Variants in RUFY1 observed in about 807,000 individuals in gnomAD.
RUFY1 encodes RUN and FYVE domain containing 1, also known as RUN and FYVE domain-containing protein 1.
A neutral mutation model predicts 94.6 loss-of-function variants in RUFY1; 54 were observed. The ratio of observed to expected loss-of-function variants is 0.57; its 90% CI spans 0.46 to 0.72. RUFY1 has a LOEUF of 0.72. RUFY1 is among the 30% of genes least tolerant of loss of function. RUFY1 has a pLI of 0.00. For missense variants in RUFY1, 883 were observed against 883.9 expected (o/e 1.00, Z 0.01); for synonymous variants, 396 against 347.3 (o/e 1.14, Z -1.56).
chr5:179,580,282 G>A (rs1325699735), intron 6 of RUFY1, among the ~76,000 whole-genome samples: 2 of 137,064 alleles, frequency 1.5e-5, no homozygotes, highest in African/African-American at 2.6e-5. Context: ...TCGCTCTGTC[G>A]CCCAGGCTGG....
chr5:179,594,330 T>C (rs530564649), intron 11 of RUFY1, among the ~76,000 whole-genome samples: 1 of 151,452 alleles, frequency 6.6e-6, no homozygotes, highest in East Asian at 2.0e-4. Flanking sequence ...CATTTAGTAT[T>C]GTCTTTTCAA....
intron 10 of RUFY1, among the ~76,000 whole-genome samples, chr5:179,592,566 T>C (rs1421174037): frequency 6.6e-6 from 1 of 152,206 alleles, no homozygotes; most frequent in Non-Finnish European, 1.5e-5. Context: ...TATAAATCTT[T>C]ACAGGGATTG....
rs6879322 is a variant in RUFY1 at position 179,580,950 on chromosome 5, T to G, written c.894T>G (p.His298Gln). 1.5e-3 allele frequency: 2,382 copies of G among 1,594,518 alleles called. 20 individuals carry two copies. The African/African-American group carries it at 0.021, about 14-fold the overall frequency. Residue 298 changes from histidine (H) to glutamine (Q), a missense_variant, in exon 7 of 18, where the codon CAT (histidine) becomes CAG (glutamine). Physicochemically the swap from His to Gln is conservative, Grantham distance 24. Transcript: ENST00000319449. ...DVQDLDGGKE[H>Q]ERITDVLDQK... ...CTTCTTATGCTCCTTTTAAAAGGCA[T>G]GAAAGAATTACTGATGTCCTTGATC...
chr5:179,602,150 GC>G, intron 15 of RUFY1, 164 bp downstream of exon 15: 1 of 617,964 alleles, frequency 1.6e-6, no homozygotes. Context: ...CCTCAGAGGG[GC>G]CCAGCACTGA....
intron 16 of RUFY1, chr5:179,606,700 G>A (rs190633646): frequency 6.6e-6 from 1 of 152,344 alleles, no homozygotes; most frequent in Non-Finnish European, 1.5e-5. Flanking sequence ...GGTAATATCA[G>A]TTTCACAGCA....
At position 179,550,592 on chromosome 5, in the gene RUFY1, G is replaced by A. The variant is rs558217154; in HGVS notation, c.23G>A (p.Cys8Tyr). 1.8e-5 allele frequency: 23 copies of A among 1,280,808 alleles called. 1 individual carries two copies. Among genetic ancestry groups the A allele is most frequent in the African/African-American group, 1.0e-4 (4 of 39,038 alleles). 79.3% of individuals were successfully genotyped at this position (1,280,808 alleles called of 1,614,324 possible). A position where few individuals can be genotyped will look rare whatever the true frequency, so the allele number is the denominator to read the frequency against. ...AAGATGGCCGACCGGGAAGGCGGCT[G>A]CGCTGCTGGGCGGGGGCGGGAGCTG... MADREGG[C>Y]AAGRGRELEP... is the part of the protein sequence containing the mutation. The change falls in exon 1 of 18, where the codon TGC becomes TAC. Residue 8 changes from cysteine to tyrosine, a missense_variant. Coordinates refer to ENST00000319449, the MANE Select transcript of RUFY1 (RefSeq NM_025158.5).
At chr5:179,605,758 C>G (rs977136575) in intron 15 of RUFY1, 118 bp from the exon 16 acceptor site, 1 of 751,460 alleles carries the variant, frequency 1.3e-6, no homozygotes, top group African/African-American at 1.7e-5. Context: ...AACTCACGTT[C>G]TGGGTCTCCT....
intron 14 of RUFY1, among the ~76,000 whole-genome samples, chr5:179,600,314 G>T (rs1766216600): frequency 6.6e-6 from 1 of 152,164 alleles, no homozygotes; most frequent in African/African-American, 2.4e-5. Flanking sequence ...TACTTTCTGG[G>T]TCTCCATCCT....
chr5:179,591,370 G>C (rs1322051441), intron 9 of RUFY1, among the ~76,000 whole-genome samples: 2 of 151,374 alleles, frequency 1.3e-5, no homozygotes, highest in African/African-American at 4.9e-5. Flanking sequence ...GTTTTTAGTA[G>C]AGACGGGGTT....
At chr5:179,567,882 C>G (rs531243497) in intron 4 of RUFY1, among the ~76,000 whole-genome samples, 2 of 151,648 alleles carry the variant, frequency 1.3e-5, no homozygotes, top group African/African-American at 4.8e-5. Flanking sequence ...CCAGCCTGGG[C>G]GACAGAGTGA....
intron 1 of RUFY1, among the ~76,000 whole-genome samples, chr5:179,554,644 C>T (rs1252405171): frequency 1.3e-5 from 2 of 151,160 alleles, no homozygotes; most frequent in Non-Finnish European, 2.9e-5. Flanking sequence ...AGGTAATAAG[C>T]GAACATGATT....
rs2127581205 is a variant in RUFY1, at chr5:179,609,401, T to C, written c.2009T>C (p.Ile670Thr). 1 of 1,613,532 alleles carries C rather than the reference T, an allele frequency of 6.2e-7. No homozygotes were observed. The highest frequency in any genetic ancestry group is 2.2e-5 in the East Asian group (1 of 44,864). ...RKHHCRNCGH[I>T]FCNTCSSNEL... ...CACCACTGCCGGAACTGTGGCCACA[T>C]CTTCTGCAACACCTGCTCCAGCAAC... Residue 670 changes from isoleucine (I) to threonine (T), a missense_variant, in exon 18 of 18, where the codon ATC (isoleucine) becomes ACC (threonine). Ile to Thr is a moderately conservative substitution (Grantham distance 89). Transcript: ENST00000319449.
At chr5:179,601,374 G>A (rs1438674029) in intron 14 of RUFY1, among the ~76,000 whole-genome samples, 3 of 151,910 alleles carry the variant, frequency 2.0e-5, no homozygotes, top group Non-Finnish European at 2.9e-5. Flanking sequence ...GCACCATGTT[G>A]GCCGGGTTGG....
intron 1 of RUFY1, chr5:179,559,597 G>A (rs1173837527): frequency 2.2e-6 from 2 of 911,320 alleles, no homozygotes; most frequent in African/African-American, 1.8e-5. Flanking sequence ...AGCTGGACTC[G>A]CCCAATAGGA....
At chr5:179,557,596 A>C (rs1238534876) in intron 1 of RUFY1, among the ~76,000 whole-genome samples, 1 of 152,126 alleles carries the variant, frequency 6.6e-6, no homozygotes. Context: ...TTAGTTTATC[A>C]TGTATTTCAA....
intron 4 of RUFY1, chr5:179,569,089 A>C (rs746303438): frequency 1.8e-4 from 173 of 984,262 alleles, no homozygotes; most frequent in Non-Finnish European, 2.0e-4. Flanking sequence ...AGACAGGAGG[A>C]GAGGCGAGCC....
intron 9 of RUFY1, among the ~76,000 whole-genome samples, chr5:179,589,904 G>T (rs980144666): frequency 2.6e-5 from 4 of 152,174 alleles, no homozygotes; most frequent in Non-Finnish European, 5.9e-5. Flanking sequence ...CCACTCACCT[G>T]CCATGTCCTC....
intron 2 of RUFY1, among the ~76,000 whole-genome samples, chr5:179,562,008 C>T (rs1449168652): frequency 2.0e-5 from 3 of 151,484 alleles, no homozygotes; most frequent in Non-Finnish European, 2.9e-5. Context: ...ATTCTATGGG[C>T]AATACATACT....
At chr5:179,577,803 G>C (rs1017870419) in intron 6 of RUFY1, among the ~76,000 whole-genome samples, 2 of 147,950 alleles carry the variant, frequency 1.4e-5, no homozygotes, top group Non-Finnish European at 3.0e-5. Context: ...TTGGATGTGC[G>C]CACATCGGGT....
Sources: gnomAD v4.1 joint callset for allele counts (sites outside exome capture counted in the v4.1 genomes callset) on GRCh38, gnomAD v4.1.1 for gene constraint, MANE v1.5 for transcripts, NCBI Gene and HGNC (gene_info 2026-07-23, HGNC 2026-07-21) for gene names.